CUX2: variants seen among roughly 807,000 people sequenced by gnomAD.
CUX2 encodes the protein cut like homeobox 2.
In CUX2, 40 loss-of-function variants were observed where a neutral mutation model predicts 144.8. That is an observed-to-expected ratio of 0.28 (90% CI 0.21 to 0.36). The LOEUF is 0.36. Among genes scored for constraint, CUX2 ranks in the 10% least tolerant of loss-of-function variants. The probability of loss-of-function intolerance (pLI) is 1.00; values close to 1 mark genes in which losing one functional copy is unlikely to be tolerated. For missense variants in CUX2, 1,615 were observed against 1,994.0 expected (o/e 0.81, Z 3.62); for synonymous variants, 827 against 875.6 (o/e 0.94, Z 0.98).
chr12:111,190,250 G>C lies in CUX2; in HGVS notation c.64-23950G>C, dbSNP rs761242927. Among the ~76,000 whole-genome samples, 10 of 152,000 alleles carry C rather than the reference G, an allele frequency of 6.6e-5. No individual in the cohort carries two copies. The highest frequency in any genetic ancestry group is 1.5e-4 in the Non-Finnish European group (10 of 68,016). ...AACTGTACATTCCTTCTCTCTCTCT[G>C]TGGCCTTGCCTTTGCGCTTTTATTG... On this transcript the variant is annotated intron_variant, in intron 1 of 21. Coordinates refer to ENST00000261726, the MANE Select transcript of CUX2 (RefSeq NM_015267.4). This position sits in a 1 kb window ranked among gnomAD's most constrained non-coding sequence, Gnocchi z 4.0.
chr12:111,144,678 C>G (rs1876548526), intron 1 of CUX2, among the ~76,000 whole-genome samples: 1 of 152,218 alleles, frequency 6.6e-6, no homozygotes, highest in Non-Finnish European at 1.5e-5. Flanking sequence ...CTTGAAATTC[C>G]TGAATGCTTA....
intron 1 of CUX2, among the ~76,000 whole-genome samples, chr12:111,196,972 G>T (rs1030802364): frequency 3.3e-5 from 5 of 152,134 alleles, no homozygotes; most frequent in African/African-American, 1.2e-4. Flanking sequence ...TGCATGTACA[G>T]GAATATTGTG....
At chr12:111,325,644 T>G (rs1887744315) in intron 18 of CUX2, among the ~76,000 whole-genome samples, 1 of 139,608 alleles carries the variant, frequency 7.2e-6, no homozygotes. Flanking sequence ...GGGTGGGTTT[T>G]GTTTATAGTG....
At chr12:111,097,251 G>A (rs1178675960) in intron 1 of CUX2, among the ~76,000 whole-genome samples, 1 of 152,168 alleles carries the variant, frequency 6.6e-6, no homozygotes, top group Non-Finnish European at 1.5e-5. Flanking sequence ...GTGTGGCCTT[G>A]GAGTGAAAAC....
At chr12:111,230,561 G>C (rs1882418225) in intron 3 of CUX2, among the ~76,000 whole-genome samples, 1 of 152,188 alleles carries the variant, frequency 6.6e-6, no homozygotes, top group African/African-American at 2.4e-5. Context: ...TGGCTGCCCA[G>C]TGGAATCCCC....
chr12:111,266,137 T>A (rs1258522849), intron 4 of CUX2, among the ~76,000 whole-genome samples: 1 of 152,088 alleles, frequency 6.6e-6, no homozygotes, highest in African/African-American at 2.4e-5. Context: ...CAAGATGAGA[T>A]CATCCTGGCT....
chr12:111,185,380 G>A (rs1255075475), intron 1 of CUX2, among the ~76,000 whole-genome samples: 2 of 152,208 alleles, frequency 1.3e-5, no homozygotes, highest in African/African-American at 4.8e-5. Flanking sequence ...TACTGGAGGG[G>A]TGACCTTCGA....
chr12:111,205,052 C>G (rs112328205), intron 1 of CUX2, among the ~76,000 whole-genome samples: 2,236 of 152,270 alleles, frequency 0.015, 62 homozygotes, highest in African/African-American at 0.051. Flanking sequence ...AATTTACATA[C>G]GGCGCAGGGA....
At chr12:111,226,843 A>G (rs1019078027) in intron 3 of CUX2, among the ~76,000 whole-genome samples, 1 of 152,226 alleles carries the variant, frequency 6.6e-6, no homozygotes, top group African/African-American at 2.4e-5. Context: ...AACAACAATT[A>G]GTCTGTGCCG....
chr12:111,055,469 T>G (rs964650327), intron 1 of CUX2, among the ~76,000 whole-genome samples: 1 of 152,260 alleles, frequency 6.6e-6, no homozygotes, highest in African/African-American at 2.4e-5. Flanking sequence ...AGGGGGTTGG[T>G]CCCACGGCCC....
intron 3 of CUX2, among the ~76,000 whole-genome samples, chr12:111,232,314 C>T (rs1882514121): frequency 6.6e-6 from 1 of 151,596 alleles, no homozygotes; most frequent in East Asian, 1.9e-4. Context: ...CCAGCATGGG[C>T]AACATAGTGA....
chr12:111,323,555 G>C (rs1050637828), intron 18 of CUX2, among the ~76,000 whole-genome samples: 1 of 152,122 alleles, frequency 6.6e-6, no homozygotes, highest in Non-Finnish European at 1.5e-5. Context: ...ACTTTGGGAG[G>C]CTGAGGCTGG....
chr12:111,056,049 C>T (rs966676646), intron 1 of CUX2, among the ~76,000 whole-genome samples: 3 of 152,176 alleles, frequency 2.0e-5, no homozygotes, highest in Admixed American at 6.5e-5. Flanking sequence ...CTGGAGACCT[C>T]GGGGGCTGTT....
intron 1 of CUX2, among the ~76,000 whole-genome samples, chr12:111,045,983 G>A (rs1396052849): frequency 6.6e-6 from 1 of 152,194 alleles, no homozygotes; most frequent in Non-Finnish European, 1.5e-5. Flanking sequence ...GCTCAGTGGT[G>A]CCCAAATCTG....
intron 3 of CUX2, among the ~76,000 whole-genome samples, chr12:111,239,960 T>A (rs1374669132): frequency 1.3e-5 from 2 of 152,194 alleles, no homozygotes; most frequent in African/African-American, 2.4e-5. Context: ...AAGTGAAAAC[T>A]TTGGGGTGCA....
chr12:111,343,865 A>C lies in CUX2; in HGVS notation c.3659+1812A>C, dbSNP rs373574248. Among the ~76,000 whole-genome samples the C allele has an allele frequency of 3.9e-4, 59 of 152,350 alleles. 1 individual carries two copies. The highest frequency in any genetic ancestry group is 1.4e-3 in the African/African-American group (57 of 41,588). ...CACCTGAGGTCAGGAGCTCAAGACC[A>C]GCCTGGCCAAAATGATGAAACCCCA... On this transcript the variant is annotated intron_variant, in intron 21 of 21. Coordinates refer to ENST00000261726, the MANE Select transcript of CUX2 (RefSeq NM_015267.4).
chr12:111,231,191 A>G (rs1882448466), intron 3 of CUX2, among the ~76,000 whole-genome samples: 1 of 152,102 alleles, frequency 6.6e-6, no homozygotes, highest in Non-Finnish European at 1.5e-5. Flanking sequence ...CACCCATTGA[A>G]TACTAATTCC....
At chr12:111,257,639 TCTTCCTCCTC>T (rs1164734189) in intron 3 of CUX2, among the ~76,000 whole-genome samples, 1 of 118,206 alleles carries the variant, frequency 8.5e-6, no homozygotes, top group Non-Finnish European at 1.8e-5. Context: ...TCCTCCTCCC[TCTTCCTCCTC>T]CTTCCTCCTC....
At position 111,232,213 on chromosome 12, in the gene CUX2, AT is replaced by A. The variant is rs1023047721; in HGVS notation, c.222+14277del. On this transcript the variant is annotated intron_variant, in intron 3 of 21. Transcript: ENST00000261726. ...GAGTGAGACTCCATCTGAAAAAAAA[AT>A]ATATATATATATACAGGAGGGTTGG... Among the ~76,000 whole-genome samples the A allele has an allele frequency of 2.9e-3, 215 of 73,758 alleles. 1 individual carries two copies. Among genetic ancestry groups the A allele is most frequent in the East Asian group, 0.018 (15 of 820 alleles). 48.4% of individuals were successfully genotyped at this position (73,758 alleles called of 152,430 possible). A position where few individuals can be genotyped will look rare whatever the true frequency, so the allele number is the denominator to read the frequency against.
Sources: gnomAD v4.1 joint callset for allele counts (sites outside exome capture counted in the v4.1 genomes callset) on GRCh38, gnomAD v4.1.1 for gene constraint, Gnocchi (gnomAD v3.1) non-coding constraint, MANE v1.5 for transcripts, NCBI Gene and HGNC (gene_info 2026-07-23, HGNC 2026-07-21) for gene names.